Variants in SND1 observed in about 807,000 individuals in gnomAD.
SND1 encodes the protein staphylococcal nuclease domain-containing protein 1.
Under a neutral mutation model 121.7 loss-of-function variants are expected in SND1, and 38 were observed. That is an observed-to-expected ratio of 0.31 (90% CI 0.24 to 0.41). The LOEUF (loss-of-function observed/expected upper bound fraction) is 0.41. Ranked by LOEUF, SND1 falls within the 10% of genes least tolerant of loss-of-function variation. The pLI, the probability that SND1 is intolerant of heterozygous loss-of-function variation, is 1.00. For synonymous variants in SND1, 401 were observed against 447.4 expected, an observed-to-expected ratio of 0.90 and a Z score of 1.31; for missense variants, 868 against 1,184.6, an observed-to-expected ratio of 0.73 and a Z score of 3.92.
chr7:127,750,711 C>T (rs540743561), intron 10 of SND1, among the ~76,000 whole-genome samples: 4 of 152,156 alleles, frequency 2.6e-5, no homozygotes, highest in Admixed American at 6.5e-5. Flanking sequence ...GATGCCCAAA[C>T]GTTTCAGATT....
intron 10 of SND1, among the ~76,000 whole-genome samples, chr7:127,770,450 C>T (rs932828914): frequency 6.6e-6 from 1 of 151,642 alleles, no homozygotes; most frequent in Non-Finnish European, 1.5e-5. Flanking sequence ...TGCATACCTG[C>T]ACTAATTAGA....
At chr7:127,767,114 C>T (rs976691756) in intron 10 of SND1, among the ~76,000 whole-genome samples, 10 of 152,088 alleles carry the variant, frequency 6.6e-5, no homozygotes, top group Non-Finnish European at 1.5e-4. Context: ...GTCACTTACT[C>T]ATCCTACTTC....
chr7:127,907,983 A>G (rs770597991), intron 14 of SND1, among the ~76,000 whole-genome samples: 4 of 152,158 alleles, frequency 2.6e-5, no homozygotes, highest in Admixed American at 6.5e-5. Context: ...TATGGCTTAG[A>G]ACGTAAGATA....
In SND1 at chr7:128,047,528, G is replaced by A. The variant is rs536141480; in HGVS notation, c.1780-26974G>A. ...AAAATACCACTTACCATAAATGAAA[G>A]GAAATCTTAAAAATAAACACATAGA... On this transcript the variant is annotated intron_variant, in intron 16 of 23. Transcript: ENST00000354725. Among the ~76,000 whole-genome samples, 189 of 152,328 alleles carry A rather than the reference G, an allele frequency of 1.2e-3. 5 individuals are homozygous for A. The South Asian group carries it at 0.037, about 30-fold the overall frequency.
At chr7:128,034,377 G>A (rs1033875751) in intron 16 of SND1, among the ~76,000 whole-genome samples, 6 of 152,216 alleles carry the variant, frequency 3.9e-5, no homozygotes, top group Non-Finnish European at 2.9e-5. Flanking sequence ...ACTTTCTGGT[G>A]AGAGGTTCTG....
chr7:127,858,353 A>T, intron 12 of SND1: 1 of 1,355,534 alleles, frequency 7.4e-7, no homozygotes. Flanking sequence ...CAGATGCCTC[A>T]GTGCCCTAGC....
chr7:127,851,129 T>G (rs1326927349), intron 12 of SND1, among the ~76,000 whole-genome samples: 1 of 152,256 alleles, frequency 6.6e-6, no homozygotes, highest in African/African-American at 2.4e-5. Context: ...TCAATTTAGC[T>G]TTTCATAATG....
chr7:127,678,937 G>A (rs1357635543), intron 1 of SND1: 1 of 152,074 alleles, frequency 6.6e-6, no homozygotes, highest in Non-Finnish European at 1.5e-5. Flanking sequence ...GTATTTTTAG[G>A]TGTAGAAAAC....
chr7:128,071,302 A>C (rs1793404917), intron 16 of SND1, among the ~76,000 whole-genome samples: 1 of 152,224 alleles, frequency 6.6e-6, no homozygotes, highest in Non-Finnish European at 1.5e-5. Flanking sequence ...ATTTGATGAA[A>C]ATATTGTGAC....
chr7:127,884,998 A>G lies in SND1; in HGVS notation c.1344-2904A>G, dbSNP rs555849427. On this transcript the variant is annotated intron_variant, in intron 12 of 23. Transcript: ENST00000354725. ...CTCCCAAGTGGACACTCAGTCTTTA[A>G]TGCCTGGCTATGGAGCCACCTTCCA... Among the ~76,000 whole-genome samples the G allele has an allele frequency of 3.9e-5, 6 of 152,178 alleles. No individual in the cohort carries two copies. In the South Asian group the frequency reaches 8.3e-4, roughly 21 times the overall value.
intron 15 of SND1, among the ~76,000 whole-genome samples, chr7:127,987,703 C>G (rs1272164465): frequency 6.6e-6 from 1 of 151,830 alleles, no homozygotes; most frequent in Non-Finnish European, 1.5e-5. Flanking sequence ...CAGTGTTTTT[C>G]AAACTGGGTA....
At chr7:127,860,953 C>T (rs930489638) in intron 12 of SND1, among the ~76,000 whole-genome samples, 2 of 152,096 alleles carry the variant, frequency 1.3e-5, no homozygotes, top group Admixed American at 6.5e-5. Context: ...GATAGCCTTA[C>T]GTATATGAAA....
chr7:127,755,139 C>G (rs1275592604), intron 10 of SND1, among the ~76,000 whole-genome samples: 2 of 152,120 alleles, frequency 1.3e-5, no homozygotes, highest in Non-Finnish European at 2.9e-5. Flanking sequence ...TATATTATAA[C>G]TGATATCTAC....
At chr7:128,017,057 G>A (rs1350844496) in intron 16 of SND1, among the ~76,000 whole-genome samples, 2 of 152,180 alleles carry the variant, frequency 1.3e-5, no homozygotes, top group Non-Finnish European at 2.9e-5. Flanking sequence ...AACAAAATGT[G>A]GCAGATACAC....
At chr7:128,031,860 C>T (rs1232478794) in intron 16 of SND1, among the ~76,000 whole-genome samples, 1 of 150,396 alleles carries the variant, frequency 6.6e-6, no homozygotes, top group Non-Finnish European at 1.5e-5. Context: ...GCTTCGGCTC[C>T]CGGCGCCCTC....
intron 15 of SND1, among the ~76,000 whole-genome samples, chr7:127,979,732 T>C (rs1253259309): frequency 2.0e-5 from 3 of 152,218 alleles, no homozygotes; most frequent in East Asian, 3.8e-4. Flanking sequence ...CAGAACTCAT[T>C]GTACTTAACA....
intron 16 of SND1, among the ~76,000 whole-genome samples, chr7:128,006,566 A>G (rs552978552): frequency 1.4e-4 from 21 of 152,262 alleles, no homozygotes; most frequent in Non-Finnish European, 2.4e-4. Context: ...GGCACTGACT[A>G]CAAAGCCAAA....
chr7:128,038,879 A>G (rs1279629039), intron 16 of SND1, among the ~76,000 whole-genome samples: 2 of 152,220 alleles, frequency 1.3e-5, no homozygotes, highest in African/African-American at 2.4e-5. Context: ...TCTCTTCTCC[A>G]TAGCAACCAA....
chr7:127,936,269 G>A (rs925281288), intron 15 of SND1, among the ~76,000 whole-genome samples: 1 of 152,138 alleles, frequency 6.6e-6, no homozygotes. Context: ...AGTCTCGGAG[G>A]CAGTCACAGA....
Sources: gnomAD v4.1 joint callset for allele counts (sites outside exome capture counted in the v4.1 genomes callset) on GRCh38, gnomAD v4.1.1 for gene constraint, MANE v1.5 for transcripts, NCBI Gene and HGNC (gene_info 2026-07-23, HGNC 2026-07-21) for gene names.